The following VKORC1L1 variants were observed in gnomAD, a reference collection of about 807,000 sequenced individuals.
The protein encoded by VKORC1L1 is vitamin K epoxide reductase complex subunit 1-like protein 1.
A neutral mutation model predicts 18.9 loss-of-function variants in VKORC1L1; 2 were observed. The ratio of observed to expected loss-of-function variants is 0.11; its 90% CI spans 0.04 to 0.33. The LOEUF (loss-of-function observed/expected upper bound fraction) is 0.33. Ranked by LOEUF, VKORC1L1 falls within the 10% of genes least tolerant of loss-of-function variation. The pLI is 1.00. For synonymous variants in VKORC1L1, 96 were observed against 100.0 expected (o/e 0.96, Z 0.24); for missense variants, 123 against 224.1 (o/e 0.55, Z 2.88).
intron 1 of VKORC1L1, among the ~76,000 whole-genome samples, chr7:65,943,956 A>G (rs1388588011): frequency 6.6e-6 from 1 of 152,228 alleles, no homozygotes. Context: ...TATCAATAAC[A>G]AATCAGTAAA....
intron 1 of VKORC1L1, 106 bp downstream of exon 1, chr7:65,873,671 C>G: frequency 1.6e-6 from 1 of 620,218 alleles, no homozygotes; most frequent in East Asian, 1.5e-4. Flanking sequence ...CGGCGGGGAC[C>G]GGGCCGCTGG....
At chr7:65,924,311 A>G (rs1462781182) in intron 1 of VKORC1L1, among the ~76,000 whole-genome samples, 1 of 152,194 alleles carries the variant, frequency 6.6e-6, no homozygotes, top group Non-Finnish European at 1.5e-5. Context: ...TTAGTGGCCA[A>G]TCAGCCACTT....
chr7:65,905,079 A>G (rs757933207), intron 1 of VKORC1L1, among the ~76,000 whole-genome samples: 13 of 152,220 alleles, frequency 8.5e-5, no homozygotes, highest in Non-Finnish European at 1.5e-4. Context: ...ACACATATGC[A>G]TACAAATGCA....
At chr7:65,875,638 C>G (rs1364990131) in intron 1 of VKORC1L1, among the ~76,000 whole-genome samples, 1 of 151,920 alleles carries the variant, frequency 6.6e-6, no homozygotes, top group Non-Finnish European at 1.5e-5. Context: ...AGGATGGTCT[C>G]GATCTCCTGA....
chr7:65,914,790 G>A (rs867365393), intron 1 of VKORC1L1, among the ~76,000 whole-genome samples: 6 of 152,142 alleles, frequency 3.9e-5, no homozygotes, highest in Non-Finnish European at 7.4e-5. Context: ...GCTTGAGACC[G>A]ACCAGGAGAT....
chr7:65,949,323 T>A (rs1288819569), intron 2 of VKORC1L1, among the ~76,000 whole-genome samples: 1 of 151,810 alleles, frequency 6.6e-6, no homozygotes, highest in East Asian at 1.9e-4. Flanking sequence ...CTACTAAAAA[T>A]ACAAAATTAG....
intron 1 of VKORC1L1, among the ~76,000 whole-genome samples, chr7:65,931,977 C>T (rs899964461): frequency 1.3e-5 from 2 of 152,042 alleles, no homozygotes; most frequent in African/African-American, 4.8e-5. Context: ...AAAGAACCAG[C>T]CTTTGGTTTC....
At chr7:65,881,254 G>C (rs1258430023) in intron 1 of VKORC1L1, among the ~76,000 whole-genome samples, 1 of 152,104 alleles carries the variant, frequency 6.6e-6, no homozygotes, top group Non-Finnish European at 1.5e-5. Context: ...ACATTTTAAT[G>C]TTTTAAGTTT....
chr7:65,879,652 T>A (rs1394702896), intron 1 of VKORC1L1, among the ~76,000 whole-genome samples: 1 of 148,402 alleles, frequency 6.7e-6, no homozygotes, highest in African/African-American at 2.5e-5. Flanking sequence ...TACTCTTTCG[T>A]CTTCCTTTCT....
intron 1 of VKORC1L1, among the ~76,000 whole-genome samples, chr7:65,914,971 A>C (rs1789561489): frequency 6.6e-6 from 1 of 151,752 alleles, no homozygotes; most frequent in African/African-American, 2.4e-5. Flanking sequence ...GTGCTACTGC[A>C]CTCCAGCCTG....
At chr7:65,900,969 T>C (rs1467380169) in intron 1 of VKORC1L1, among the ~76,000 whole-genome samples, 1 of 152,004 alleles carries the variant, frequency 6.6e-6, no homozygotes, top group Admixed American at 6.6e-5. Context: ...GTGGGACTTG[T>C]TGAAATTTCA....
chr7:65,929,959 A>G (rs1053283108), intron 1 of VKORC1L1, among the ~76,000 whole-genome samples: 10 of 152,014 alleles, frequency 6.6e-5, no homozygotes, highest in African/African-American at 2.4e-4. Context: ...CTTTATTTTT[A>G]TCAGTTTTAT....
At chr7:65,950,302 G>A (rs142503580) in intron 2 of VKORC1L1, among the ~76,000 whole-genome samples, 382 of 152,100 alleles carry the variant, frequency 2.5e-3, no homozygotes, top group Non-Finnish European at 3.5e-3. Context: ...AATTTGTATT[G>A]TATTAAGTTT....
chr7:65,901,686 T>C (rs375643254), intron 1 of VKORC1L1, among the ~76,000 whole-genome samples: 13 of 151,964 alleles, frequency 8.6e-5, no homozygotes, highest in African/African-American at 3.1e-4. Flanking sequence ...GGAGGGAAGG[T>C]TGTCATCATT....
intron 1 of VKORC1L1, among the ~76,000 whole-genome samples, chr7:65,920,193 G>A (rs1789652551): frequency 6.6e-6 from 1 of 151,998 alleles, no homozygotes; most frequent in Admixed American, 6.6e-5. Flanking sequence ...AGTTTAGATT[G>A]CAGTTCCTTC....
chr7:65,886,812 C>T (rs1789020076), intron 1 of VKORC1L1, among the ~76,000 whole-genome samples: 1 of 140,472 alleles, frequency 7.1e-6, no homozygotes, highest in South Asian at 2.3e-4. Context: ...GCTGGGATTA[C>T]AGGCGTGAGC....
At chr7:65,885,247 A>G (rs1239138897) in intron 1 of VKORC1L1, among the ~76,000 whole-genome samples, 1 of 151,722 alleles carries the variant, frequency 6.6e-6, no homozygotes, top group Non-Finnish European at 1.5e-5. Context: ...TGGGTTGTTT[A>G]TCTTTTCTTC....
Position 65,873,375 on chromosome 7 carries a change from G to GCCA in VKORC1L1, c.5_6insCAC (p.Ala2_Ala3insThr). 1 of 1,508,638 alleles carries GCCA rather than the reference G, an allele frequency of 6.6e-7. No individual in the cohort carries two copies. Among genetic ancestry groups the GCCA allele is most frequent in the Non-Finnish European group, 8.8e-7 (1 of 1,130,166 alleles). The allele number at this position is 1,508,638 out of a possible 1,614,324, so 93.5% of individuals were successfully genotyped here. A position where few individuals can be genotyped will look rare whatever the true frequency, so the allele number is the denominator to read the frequency against. ...CGGCGGCGGCGGCGGCGGGAAGATGGCGGCTCCCGTCCTGCTAAGAGTGTC... is the reference window on the plus strand; with the variant it reads ...CGGCGGCGGCGGCGGCGGGAAGATGGCCACGGCTCCCGTCCTGCTAAGAGTGTC... On this transcript the variant is annotated inframe_insertion, in exon 1 of 3. Coordinates refer to ENST00000360768, the MANE Select transcript of VKORC1L1 (RefSeq NM_173517.6).
chr7:65,954,050 G>A (rs1223856656), intron 2 of VKORC1L1, 24 bp from the exon 3 acceptor site: 1 of 1,571,456 alleles, frequency 6.4e-7, no homozygotes. Context: ...AGGCCTGACT[G>A]AGCCTGCGTC....
Sources: gnomAD v4.1 joint callset for allele counts (sites outside exome capture counted in the v4.1 genomes callset) on GRCh38, gnomAD v4.1.1 for gene constraint, MANE v1.5 for transcripts, NCBI Gene and HGNC (gene_info 2026-07-23, HGNC 2026-07-21) for gene names.